Variants in HORMAD2 observed in about 807,000 individuals in gnomAD.
The protein encoded by HORMAD2 is HORMA domain containing 2, also known as HORMA domain-containing protein 2.
In HORMAD2, 45 loss-of-function variants were observed where a neutral mutation model predicts 38.8. The ratio of observed to expected loss-of-function variants is 1.16; its 90% CI spans 0.91 to 1.49. The LOEUF is 1.49. Ranked by LOEUF, HORMAD2 falls within the 40% of genes most tolerant of loss-of-function variation. The pLI, the probability that HORMAD2 is intolerant of heterozygous loss-of-function variation, is 0.00. For missense variants in HORMAD2, 338 were observed against 367.0 expected, an observed-to-expected ratio of 0.92 and a Z score of 0.65; for synonymous variants, 126 against 122.8, an observed-to-expected ratio of 1.03 and a Z score of -0.17.
intron 1 of HORMAD2, among the ~76,000 whole-genome samples, chr22:30,089,457 G>A (rs1289680342): frequency 6.6e-6 from 1 of 151,048 alleles, no homozygotes; most frequent in Non-Finnish European, 1.5e-5. Flanking sequence ...GGTTCACGCC[G>A]TTCTCCTGCC....
intron 7 of HORMAD2, among the ~76,000 whole-genome samples, chr22:30,118,290 C>A (rs964225630): frequency 2.0e-5 from 3 of 152,096 alleles, no homozygotes; most frequent in African/African-American, 7.2e-5. Context: ...CTAGAAGAGG[C>A]ATCCCTCCCC....
intron 10 of HORMAD2, among the ~76,000 whole-genome samples, chr22:30,129,538 G>T (rs924809898): frequency 2.6e-5 from 4 of 152,092 alleles, no homozygotes; most frequent in African/African-American, 9.7e-5. Flanking sequence ...CTGAGCCAGA[G>T]AAATTAGCCC....
chr22:30,125,119 T>TA (rs923704612), intron 10 of HORMAD2, among the ~76,000 whole-genome samples: 12 of 152,138 alleles, frequency 7.9e-5, no homozygotes, highest in Non-Finnish European at 1.5e-4. Context: ...CTCAATGGTT[T>TA]AAAAAATATG....
chr22:30,196,923 A>C, the HORMAD2 span, among the ~76,000 whole-genome samples: 1 of 152,120 alleles, frequency 6.6e-6, no homozygotes, highest in East Asian at 1.9e-4. Flanking sequence ...CAGGAAGTTT[A>C]CTCTCAATGT....
At chr22:30,172,052 T>A (rs1926143370) in intron 10 of HORMAD2, among the ~76,000 whole-genome samples, 1 of 151,912 alleles carries the variant, frequency 6.6e-6, no homozygotes, top group Non-Finnish European at 1.5e-5. Flanking sequence ...GATTAGTGAG[T>A]GGAGGTGTGA....
chr22:30,079,075 T>C (rs561705513), upstream of HORMAD2, among the ~76,000 whole-genome samples: 2 of 152,310 alleles, frequency 1.3e-5, no homozygotes, highest in South Asian at 4.1e-4. Context: ...ATTTCAGTTT[T>C]AGTCATTATG....
At chr22:30,192,618 T>C in the HORMAD2 span, among the ~76,000 whole-genome samples, 3 of 152,212 alleles carry the variant, frequency 2.0e-5, no homozygotes, top group Non-Finnish European at 4.4e-5. Flanking sequence ...CTGTTTTTTA[T>C]AAGGTTACTA....
chr22:30,167,986 T>C (rs1202327483), intron 10 of HORMAD2, among the ~76,000 whole-genome samples: 1 of 152,204 alleles, frequency 6.6e-6, no homozygotes, highest in Non-Finnish European at 1.5e-5. Context: ...CACACAGTTA[T>C]TGTGAGGAAT....
At chr22:30,129,217 C>CAAAAA (rs750796623) in intron 10 of HORMAD2, among the ~76,000 whole-genome samples, 65 of 22,536 alleles carry the variant, frequency 2.9e-3, no homozygotes, top group Non-Finnish European at 4.7e-3. Flanking sequence ...GACTCTATCT[C>CAAAAA]AAAAAAAAAA....
At chr22:30,111,885 T>TA in intron 6 of HORMAD2, 69 bp downstream of exon 6, 1 of 1,237,212 alleles carries the variant, frequency 8.1e-7, no homozygotes, top group South Asian at 1.4e-5. Context: ...AGTGAAACAT[T>TA]AAAACAGTAC....
At chr22:30,200,428 G>T in the HORMAD2 span, among the ~76,000 whole-genome samples, 1 of 152,142 alleles carries the variant, frequency 6.6e-6, no homozygotes, top group African/African-American at 2.4e-5. Flanking sequence ...TTACTGCTAT[G>T]TGATTTACGG....
intron 5 of HORMAD2, chr22:30,104,724 G>T (rs907328018): frequency 3.6e-6 from 1 of 280,482 alleles, no homozygotes; most frequent in Admixed American, 5.3e-5. Flanking sequence ...GGAGAGACAA[G>T]AATCTGGCAT....
intron 10 of HORMAD2, among the ~76,000 whole-genome samples, chr22:30,167,535 T>C (rs1361917535): frequency 6.6e-6 from 1 of 152,172 alleles, no homozygotes; most frequent in Non-Finnish European, 1.5e-5. Flanking sequence ...TTCCATTTAC[T>C]CATTACAAGA....
At chr22:30,139,505 C>A (rs1923928589) in intron 10 of HORMAD2, among the ~76,000 whole-genome samples, 1 of 151,196 alleles carries the variant, frequency 6.6e-6, no homozygotes, top group Non-Finnish European at 1.5e-5. Flanking sequence ...TAGAGGATTC[C>A]TGAGGATTTT....
the HORMAD2 span, among the ~76,000 whole-genome samples, chr22:30,194,989 G>A: frequency 6.6e-5 from 10 of 151,934 alleles, no homozygotes; most frequent in Admixed American, 3.3e-4. Context: ...TCAGGAGATC[G>A]AGACCATCCT....
downstream of HORMAD2, among the ~76,000 whole-genome samples, chr22:30,180,301 T>C (rs537266577): frequency 1.3e-4 from 20 of 152,206 alleles, no homozygotes; most frequent in African/African-American, 4.6e-4. Context: ...GAAACATCTA[T>C]GGGGCACTAG....
intron 10 of HORMAD2, among the ~76,000 whole-genome samples, chr22:30,145,712 A>C (rs73164730): frequency 6.6e-6 from 1 of 152,368 alleles, no homozygotes; most frequent in Non-Finnish European, 1.5e-5. Flanking sequence ...AACATCAAAC[A>C]GTCTAAGCTG....
the HORMAD2 span, among the ~76,000 whole-genome samples, chr22:30,183,090 G>C: frequency 6.6e-6 from 1 of 152,104 alleles, no homozygotes; most frequent in African/African-American, 2.4e-5. Context: ...ACTGTTCTAG[G>C]CATGATTATT....
intron 10 of HORMAD2, among the ~76,000 whole-genome samples, chr22:30,142,093 A>G (rs537527630): frequency 6.6e-6 from 1 of 152,064 alleles, no homozygotes; most frequent in African/African-American, 2.4e-5. Flanking sequence ...CTACAAAAAA[A>G]CAACAAAAAA....
Sources: allele counts gnomAD v4.1 joint callset (sites outside exome capture counted in the v4.1 genomes callset), GRCh38; gene constraint gnomAD v4.1.1; transcripts MANE v1.5; gene names NCBI Gene and HGNC (gene_info 2026-07-23, HGNC 2026-07-21).